MACROD2: variants seen among roughly 807,000 people sequenced by gnomAD.
MACROD2 encodes the protein mono-ADP ribosylhydrolase 2.
In MACROD2, 36 loss-of-function variants were observed where a neutral mutation model predicts 70.4. The ratio of observed to expected loss-of-function variants is 0.51; its 90% confidence interval spans 0.39 to 0.68. The LOEUF (loss-of-function observed/expected upper bound fraction) is 0.68, where lower values mean the gene tolerates loss of function less well. Ranked by LOEUF, MACROD2 falls within the 30% of genes least tolerant of loss-of-function variation. The pLI is 0.00. For missense variants in MACROD2, 496 were observed against 538.4 expected (o/e 0.92, Z 0.78); for synonymous variants, 172 against 178.8 (o/e 0.96, Z 0.30).
At chr20:14,931,499 T>C (rs569329210) in intron 5 of MACROD2, among the ~76,000 whole-genome samples, 1 of 152,278 alleles carries the variant, frequency 6.6e-6, no homozygotes, top group Admixed American at 6.5e-5. Flanking sequence ...TCTCAGGGTA[T>C]GCTTGAGTTA....
chr20:14,842,271 G>A (rs1052874384), intron 5 of MACROD2, among the ~76,000 whole-genome samples: 1 of 152,018 alleles, frequency 6.6e-6, no homozygotes, highest in Non-Finnish European at 1.5e-5. Context: ...GCTGCCCCCT[G>A]ACCTAATCAC....
rs2050522191 is a variant in MACROD2 at position 15,705,654 on chromosome 20, A to C, written c.646-157091A>C. On this transcript the variant is annotated intron_variant, in intron 8 of 17. Coordinates refer to ENST00000684519, the MANE Select transcript of MACROD2 (RefSeq NM_001351661.2). ...GGCTGGTCTTGAACTCCTAGCCTCA[A>C]ATCTCAGCCTCCCAAAGTGCTGAGA... Among the ~76,000 whole-genome samples the C allele has an allele frequency of 2.0e-5, 3 of 152,146 alleles. No homozygotes were observed. In the South Asian group the frequency reaches 6.2e-4, roughly 32 times the overall value.
intron 5 of MACROD2, among the ~76,000 whole-genome samples, chr20:15,221,243 T>G (rs1022314604): frequency 6.6e-6 from 1 of 152,196 alleles, no homozygotes; most frequent in Non-Finnish European, 1.5e-5. Flanking sequence ...AAGATCTTAT[T>G]ATCATCTTCC....
rs145830062 is a variant in MACROD2 at position 15,704,140 on chromosome 20, G to GTTTATTTA, written c.646-158584_646-158577dup. Among the ~76,000 whole-genome samples the GTTTATTTA allele has an allele frequency of 1.2e-3, 174 of 151,110 alleles. 1 individual carries two copies. The highest frequency in any genetic ancestry group is 3.0e-3 in the African/African-American group (122 of 40,988). ...GTTTTCCTATTTGAAATGTTTGTTT[G>GTTTATTTA]TTTATTTATTTATTTATTTATTTAT... is the stretch of plus-strand genomic sequence containing the variant. On this transcript the variant is annotated intron_variant, in intron 8 of 17. Transcript: ENST00000684519.
intron 4 of MACROD2, among the ~76,000 whole-genome samples, chr20:14,521,051 A>G (rs2085164140): frequency 6.6e-6 from 1 of 152,226 alleles, no homozygotes; most frequent in Admixed American, 6.5e-5. Flanking sequence ...GAGGATTAAC[A>G]TGATGCACTC....
chr20:15,197,952 C>G (rs1228484521), intron 5 of MACROD2, among the ~76,000 whole-genome samples: 3 of 138,222 alleles, frequency 2.2e-5, no homozygotes, highest in Non-Finnish European at 3.0e-5. Flanking sequence ...CTGCCTTGGC[C>G]TGGCCTCCTT....
At chr20:15,782,117 A>G (rs903555575) in intron 8 of MACROD2, among the ~76,000 whole-genome samples, 1 of 152,126 alleles carries the variant, frequency 6.6e-6, no homozygotes, top group African/African-American at 2.4e-5. Context: ...TTATTTTTCT[A>G]TTGGAGAAAA....
At chr20:15,275,162 A>T (rs552650224) in intron 6 of MACROD2, among the ~76,000 whole-genome samples, 1 of 152,194 alleles carries the variant, frequency 6.6e-6, no homozygotes, top group East Asian at 1.9e-4. Flanking sequence ...TTTAATTGGC[A>T]TGGGATGGGT....
intron 5 of MACROD2, among the ~76,000 whole-genome samples, chr20:14,924,984 A>G (rs2074211956): frequency 6.6e-6 from 1 of 151,844 alleles, no homozygotes; most frequent in Non-Finnish European, 1.5e-5. Flanking sequence ...TGGGTTAAAT[A>G]TCTCCTTTTC....
intron 5 of MACROD2, among the ~76,000 whole-genome samples, chr20:14,764,969 G>A (rs78019035): frequency 0.022 from 3,346 of 152,102 alleles, 145 homozygotes; most frequent in African/African-American, 0.076. Flanking sequence ...TTCCCAAGAC[G>A]GCACTGTGCA....
chr20:14,217,009 G>A (rs1306021960), intron 3 of MACROD2, among the ~76,000 whole-genome samples: 1 of 152,094 alleles, frequency 6.6e-6, no homozygotes, highest in East Asian at 1.9e-4. Context: ...TCTTTCTCTT[G>A]TCTGACTGCT....
At chr20:15,127,545 G>C (rs2076075820) in intron 5 of MACROD2, among the ~76,000 whole-genome samples, 1 of 147,070 alleles carries the variant, frequency 6.8e-6, no homozygotes. Flanking sequence ...TCATGTGAAT[G>C]TTTGGTTGGA....
chr20:14,115,015 T>C (rs1398530643), intron 3 of MACROD2, among the ~76,000 whole-genome samples: 1 of 152,170 alleles, frequency 6.6e-6, no homozygotes, highest in East Asian at 1.9e-4. Context: ...TCCTTTCATT[T>C]TTACCTTTGA....
intron 13 of MACROD2, among the ~76,000 whole-genome samples, chr20:15,971,943 A>C (rs1168675221): frequency 6.6e-6 from 1 of 152,234 alleles, no homozygotes; most frequent in Non-Finnish European, 1.5e-5. Context: ...ATGAAAGGGC[A>C]TGTTAAAAGT....
At chr20:15,043,401 A>T (rs2075369810) in intron 5 of MACROD2, among the ~76,000 whole-genome samples, 1 of 152,172 alleles carries the variant, frequency 6.6e-6, no homozygotes, top group Non-Finnish European at 1.5e-5. Flanking sequence ...CTCCAGGCCC[A>T]CACAGGCCCC....
chr20:15,032,028 C>CA (rs1258507849), intron 5 of MACROD2, among the ~76,000 whole-genome samples: 1 of 152,204 alleles, frequency 6.6e-6, no homozygotes, highest in Non-Finnish European at 1.5e-5. Context: ...GTTGAGGCGT[C>CA]AGGGGGCTGT....
chr20:15,057,886 A>T (rs984330964), intron 5 of MACROD2, among the ~76,000 whole-genome samples: 3 of 152,128 alleles, frequency 2.0e-5, no homozygotes, highest in Non-Finnish European at 2.9e-5. Context: ...CGTTTTATTC[A>T]GTGCAGATAG....
intron 17 of MACROD2, among the ~76,000 whole-genome samples, chr20:16,047,632 G>A (rs998385837): frequency 3.3e-5 from 5 of 151,536 alleles, no homozygotes; most frequent in African/African-American, 1.2e-4. Context: ...ATGGAGAAAA[G>A]TCCTAGAAAA....
chr20:15,455,306 A>G (rs1160776881), intron 7 of MACROD2, among the ~76,000 whole-genome samples: 1 of 152,100 alleles, frequency 6.6e-6, no homozygotes, highest in Admixed American at 6.6e-5. Context: ...TATTGGTCCT[A>G]CCTCTGTGTC....
Sources: allele counts gnomAD v4.1 joint callset (sites outside exome capture counted in the v4.1 genomes callset), GRCh38; gene constraint gnomAD v4.1.1; transcripts MANE v1.5; gene names NCBI Gene and HGNC (gene_info 2026-07-23, HGNC 2026-07-21).